IQUB: variants seen among roughly 807,000 people sequenced by gnomAD.
IQUB encodes the protein IQ motif and ubiquitin domain containing, also known as IQ motif and ubiquitin-like domain-containing protein.
A neutral mutation model predicts 86.4 loss-of-function variants in IQUB; 86 were observed. The observed-to-expected ratio is 1.00, with a 90% CI of 0.84 to 1.19. The LOEUF (loss-of-function observed/expected upper bound fraction) is 1.19. IQUB is among the 50% of genes most tolerant of loss of function. IQUB has a pLI of 0.00. For synonymous variants in IQUB, 289 were observed against 304.5 expected, an observed-to-expected ratio of 0.95 and a Z score of 0.53; for missense variants, 946 against 916.9, an observed-to-expected ratio of 1.03 and a Z score of -0.41.
intron 1 of IQUB, among the ~76,000 whole-genome samples, chr7:123,529,118 C>A (rs912955782): frequency 1.3e-5 from 2 of 151,920 alleles, no homozygotes; most frequent in Non-Finnish European, 2.9e-5. Flanking sequence ...AGAAAAAAAA[C>A]TAACAGAATA....
chr7:123,494,092 A>G (rs1306243504), intron 7 of IQUB, among the ~76,000 whole-genome samples: 3 of 152,154 alleles, frequency 2.0e-5, no homozygotes, highest in African/African-American at 7.2e-5. Flanking sequence ...CAATTATTCT[A>G]TTTAGAATAT....
chr7:123,526,302 T>C (rs2117360928), intron 1 of IQUB, among the ~76,000 whole-genome samples: 1 of 151,920 alleles, frequency 6.6e-6, no homozygotes, highest in Admixed American at 6.6e-5. Context: ...GACAGTGGAG[T>C]GTTAAAGTCT....
chr7:123,478,931 C>T (rs1358712129), intron 8 of IQUB, among the ~76,000 whole-genome samples: 1 of 151,946 alleles, frequency 6.6e-6, no homozygotes, highest in East Asian at 1.9e-4. Context: ...TGTAGAAGCT[C>T]CTTAAAGGGA....
intron 6 of IQUB, among the ~76,000 whole-genome samples, chr7:123,497,862 T>A (rs191169485): frequency 6.6e-6 from 1 of 151,616 alleles, no homozygotes; most frequent in Non-Finnish European, 1.5e-5. Context: ...AACCTAATCA[T>A]GCACTGGAGA....
intron 1 of IQUB, among the ~76,000 whole-genome samples, chr7:123,514,196 G>A (rs1796547994): frequency 6.6e-6 from 1 of 152,018 alleles, no homozygotes; most frequent in South Asian, 2.1e-4. Flanking sequence ...TTAATACAAA[G>A]AAAAGTAAAA....
intron 1 of IQUB, among the ~76,000 whole-genome samples, chr7:123,527,313 C>T (rs1416259357): frequency 6.6e-6 from 1 of 152,218 alleles, no homozygotes; most frequent in Non-Finnish European, 1.5e-5. Flanking sequence ...CTTCTCTCAG[C>T]TCGTCAAAGT....
At chr7:123,487,208 G>A (rs1217136869) in intron 7 of IQUB, among the ~76,000 whole-genome samples, 1 of 152,078 alleles carries the variant, frequency 6.6e-6, no homozygotes, top group Non-Finnish European at 1.5e-5. Context: ...GTTTCCTGAG[G>A]CCTCCCCAGC....
At chr7:123,529,277 T>C (rs1206956581) in intron 1 of IQUB, among the ~76,000 whole-genome samples, 2 of 152,090 alleles carry the variant, frequency 1.3e-5, no homozygotes, top group African/African-American at 4.8e-5. Flanking sequence ...TATCAATGTC[T>C]TTCATAAACT....
chr7:123,488,142 G>A (rs915580979), intron 7 of IQUB, among the ~76,000 whole-genome samples: 95 of 151,926 alleles, frequency 6.3e-4, no homozygotes, highest in African/African-American at 2.2e-3. Flanking sequence ...TCAGGAGATC[G>A]AGACCACGGT....
intron 1 of IQUB, among the ~76,000 whole-genome samples, chr7:123,525,296 C>G (rs1185092114): frequency 6.6e-6 from 1 of 152,002 alleles, no homozygotes; most frequent in African/African-American, 2.4e-5. Flanking sequence ...CTCCTTGTAC[C>G]TCTGGTAGAA....
chr7:123,487,876 G>A (rs183845106), intron 7 of IQUB, among the ~76,000 whole-genome samples: 2 of 152,186 alleles, frequency 1.3e-5, no homozygotes, highest in Admixed American at 1.3e-4. Flanking sequence ...TAATATTTTT[G>A]TCATATAGGA....
At chr7:123,457,086 A>G in intron 12 of IQUB, 1 of 746,378 alleles carries the variant, frequency 1.3e-6, no homozygotes, top group Non-Finnish European at 1.6e-6. Context: ...GATGTAAATA[A>G]GCCAAACAAA....
chr7:123,452,280 A>AAAAT lies in IQUB; in HGVS notation c.*459_*462dup, dbSNP rs1046692676. On this transcript the variant is annotated 3_prime_UTR_variant, in exon 13 of 13. Coordinates refer to ENST00000324698, the MANE Select transcript of IQUB (RefSeq NM_178827.5). ...CTGCAAAGATTCAAATGCCTATACT[A>AAAAT]AAATATAAATTTTTTTATCCTACTT... is the stretch of plus-strand genomic sequence containing the variant. 7 of 152,204 alleles carry AAAAT rather than the reference A, an allele frequency of 4.6e-5. No homozygotes were observed. The highest frequency in any genetic ancestry group is 1.0e-4 in the Non-Finnish European group (7 of 68,062). The allele number at this position is 152,204 out of a possible 1,614,324, so 9.4% of individuals were successfully genotyped here.
chr7:123,527,307 T>C (rs1797276668), intron 1 of IQUB, among the ~76,000 whole-genome samples: 1 of 152,244 alleles, frequency 6.6e-6, no homozygotes, highest in South Asian at 2.1e-4. Flanking sequence ...AGCCTTCTTC[T>C]CTCAGCTCGT....
chr7:123,455,793 CAG>C (rs1353730311), intron 12 of IQUB, among the ~76,000 whole-genome samples: 1 of 152,002 alleles, frequency 6.6e-6, no homozygotes, highest in African/African-American at 2.4e-5. Context: ...TTGTCAGTGA[CAG>C]AGATTTGAGT....
chr7:123,532,843 G>C (rs1372150362), intron 1 of IQUB: 1 of 152,262 alleles, frequency 6.6e-6, no homozygotes, highest in African/African-American at 2.4e-5. Context: ...CCCGGGCCGG[G>C]GGTCGGAAGC....
chr7:123,464,382 C>T (rs1794147756), intron 10 of IQUB, among the ~76,000 whole-genome samples: 1 of 151,794 alleles, frequency 6.6e-6, no homozygotes, highest in East Asian at 1.9e-4. Flanking sequence ...ATAAGGAACA[C>T]CAACAAGGTA....
chr7:123,494,065 A>T (rs918380969), intron 7 of IQUB, among the ~76,000 whole-genome samples: 52 of 152,188 alleles, frequency 3.4e-4, no homozygotes, highest in African/African-American at 1.2e-3. Flanking sequence ...AAAATTTTTA[A>T]ATAGACAAAA....
intron 7 of IQUB, 65 bp downstream of exon 7, chr7:123,496,631 A>C (rs565408227): frequency 2.1e-6 from 2 of 966,382 alleles, no homozygotes; most frequent in African/African-American, 3.3e-5. Context: ...TGTCTGCAGT[A>C]AATCTGTTTT....
Sources: allele counts gnomAD v4.1 joint callset (sites outside exome capture counted in the v4.1 genomes callset), GRCh38; gene constraint gnomAD v4.1.1; transcripts MANE v1.5; gene names NCBI Gene and HGNC (gene_info 2026-07-23, HGNC 2026-07-21).